SLC9A9: variants seen among roughly 807,000 people sequenced by gnomAD.
The protein encoded by SLC9A9 is solute carrier family 9 member A9, also known as sodium/hydrogen exchanger 9.
In SLC9A9, 62 loss-of-function variants were observed where a neutral mutation model predicts 77.8. The observed-to-expected ratio is 0.80, with a 90% CI of 0.65 to 0.98. SLC9A9 has a LOEUF of 0.98. SLC9A9 is among the 50% of genes least tolerant of loss of function. SLC9A9 has a pLI of 0.00. For synonymous variants in SLC9A9, 320 were observed against 283.5 expected, an observed-to-expected ratio of 1.13 and a Z score of -1.29; for missense variants, 775 against 774.9, an observed-to-expected ratio of 1.00 and a Z score of 0.00.
At chr3:143,680,613 T>A (rs901761866) in intron 5 of SLC9A9, among the ~76,000 whole-genome samples, 22 of 152,202 alleles carry the variant, frequency 1.4e-4, no homozygotes, top group Non-Finnish European at 1.9e-4. Context: ...CTAAATTTTT[T>A]AAATGCTATT....
chr3:143,550,904 A>G (rs1305545018), intron 9 of SLC9A9, among the ~76,000 whole-genome samples: 4 of 152,174 alleles, frequency 2.6e-5, no homozygotes, highest in Non-Finnish European at 5.9e-5. Context: ...ACTTCTTGTT[A>G]TGGGCTGAAC....
At chr3:143,792,944 C>G (rs999070760) in intron 4 of SLC9A9, among the ~76,000 whole-genome samples, 2 of 152,132 alleles carry the variant, frequency 1.3e-5, no homozygotes, top group Non-Finnish European at 2.9e-5. Context: ...TCAATGATTT[C>G]CCTTACCTCA....
chr3:143,674,846 T>C lies in SLC9A9; in HGVS notation c.649+18346A>G, dbSNP rs189476332. Among the ~76,000 whole-genome samples the C allele has an allele frequency of 2.3e-3, 346 of 152,322 alleles. 3 individuals carry two copies. Among genetic ancestry groups the C allele is most frequent in the African/African-American group, 8.2e-3 (341 of 41,568 alleles). On this transcript the variant is annotated intron_variant, in intron 5 of 15. Transcript: ENST00000316549. ...TGCAATAAATGATATCTATTTCAGATTAAAAATATCAGTTCCAAGCCTCCT... is the reference window on the plus strand; with the variant it reads ...TGCAATAAATGATATCTATTTCAGACTAAAAATATCAGTTCCAAGCCTCCT...
intron 12 of SLC9A9, among the ~76,000 whole-genome samples, chr3:143,389,120 A>C (rs569049160): frequency 5.3e-5 from 8 of 152,202 alleles, no homozygotes; most frequent in African/African-American, 1.9e-4. Flanking sequence ...AATTATGAAG[A>C]ATCTTGAGTG....
chr3:143,606,482 G>A (rs1472404290), intron 6 of SLC9A9, among the ~76,000 whole-genome samples: 2 of 128,296 alleles, frequency 1.6e-5, no homozygotes, highest in African/African-American at 2.8e-5. Flanking sequence ...CCACTATGAA[G>A]GGAAGGCAGA....
rs540325883 is a variant in SLC9A9, at chr3:143,664,167, G to A, written c.650-11807C>T. Among the ~76,000 whole-genome samples, 4 of 152,280 alleles carry A rather than the reference G, an allele frequency of 2.6e-5. No individual in the cohort carries two copies. In the South Asian group the frequency reaches 8.3e-4, roughly 32 times the overall value. On this transcript the variant is annotated intron_variant, in intron 5 of 15. Transcript: ENST00000316549. ...CTCTACAAGCCAGAATAGAGTGGGG[G>A]CCAATATTCAACATTCTTAAAGAAA...
intron 2 of SLC9A9, among the ~76,000 whole-genome samples, chr3:143,812,615 C>T (rs1284439511): frequency 6.6e-6 from 1 of 152,182 alleles, no homozygotes; most frequent in African/African-American, 2.4e-5. Context: ...TGACTGAGTT[C>T]AGGCCAACTG....
intron 2 of SLC9A9, among the ~76,000 whole-genome samples, chr3:143,817,438 G>A (rs961881923): frequency 1.5e-4 from 23 of 152,054 alleles, no homozygotes; most frequent in Non-Finnish European, 2.5e-4. Flanking sequence ...GTGAGCCACC[G>A]CGCCCGGCCA....
chr3:143,753,761 G>A (rs372729402), intron 4 of SLC9A9, among the ~76,000 whole-genome samples: 1 of 152,162 alleles, frequency 6.6e-6, no homozygotes, highest in African/African-American at 2.4e-5. Flanking sequence ...GGGATCACAT[G>A]CATTACCAGT....
intron 6 of SLC9A9, chr3:143,620,535 G>A (rs569326412): frequency 7.2e-5 from 11 of 152,404 alleles, no homozygotes; most frequent in African/African-American, 2.6e-4. Flanking sequence ...CGTGGGTGTG[G>A]GCATCCAGAA....
At chr3:143,486,126 T>C (rs1453752351) in intron 11 of SLC9A9, among the ~76,000 whole-genome samples, 1 of 151,588 alleles carries the variant, frequency 6.6e-6, no homozygotes, top group East Asian at 1.9e-4. Flanking sequence ...GCTGATATAG[T>C]CAAAACGCTA....
chr3:143,520,548 T>C (rs1233163623), intron 9 of SLC9A9, among the ~76,000 whole-genome samples: 1 of 152,228 alleles, frequency 6.6e-6, no homozygotes, highest in South Asian at 2.1e-4. Flanking sequence ...ATAGATCTTA[T>C]AACATGCCAG....
intron 14 of SLC9A9, among the ~76,000 whole-genome samples, chr3:143,319,157 G>A (rs1185067606): frequency 3.3e-5 from 5 of 152,124 alleles, no homozygotes; most frequent in South Asian, 2.1e-4. Flanking sequence ...ATAACTGGGC[G>A]CTAGTCTAAT....
intron 4 of SLC9A9, among the ~76,000 whole-genome samples, chr3:143,750,105 T>G (rs1329240984): frequency 6.6e-6 from 1 of 152,090 alleles, no homozygotes; most frequent in East Asian, 1.9e-4. Flanking sequence ...GACTCTAAAG[T>G]CAGCTTCCTG....
intron 6 of SLC9A9, among the ~76,000 whole-genome samples, chr3:143,587,534 G>A (rs1007914790): frequency 6.6e-6 from 1 of 152,252 alleles, no homozygotes; most frequent in African/African-American, 2.4e-5. Context: ...ATGGCTGGAG[G>A]GAAATGGTGG....
chr3:143,636,384 T>C (rs1217114049), intron 6 of SLC9A9, among the ~76,000 whole-genome samples: 2 of 152,266 alleles, frequency 1.3e-5, no homozygotes, highest in Non-Finnish European at 2.9e-5. Context: ...TCTAATATTT[T>C]GCCATTTAAG....
At chr3:143,455,684 A>T (rs1097939) in intron 12 of SLC9A9, among the ~76,000 whole-genome samples, 77,023 of 151,858 alleles carry the variant, frequency 0.51, 20,299 homozygotes, top group Non-Finnish European at 0.58. Flanking sequence ...TAGAAGTGGT[A>T]TTGACTTTAT....
chr3:143,689,299 T>A (rs1933379939), intron 5 of SLC9A9, among the ~76,000 whole-genome samples: 1 of 152,142 alleles, frequency 6.6e-6, no homozygotes, highest in African/African-American at 2.4e-5. Flanking sequence ...TTCAACACCA[T>A]ACATAATTGC....
At chr3:143,576,253 A>AT (rs1475299876) in intron 7 of SLC9A9, among the ~76,000 whole-genome samples, 1 of 152,256 alleles carries the variant, frequency 6.6e-6, no homozygotes, top group African/African-American at 2.4e-5. Flanking sequence ...AAATTGGGAT[A>AT]GTAACAGTAT....
Sources: allele counts gnomAD v4.1 joint callset (sites outside exome capture counted in the v4.1 genomes callset), GRCh38; gene constraint gnomAD v4.1.1; transcripts MANE v1.5; gene names NCBI Gene and HGNC (gene_info 2026-07-23, HGNC 2026-07-21).